ESYT2: variants seen among roughly 807,000 people sequenced by gnomAD.
ESYT2 encodes extended synaptotagmin 2.
A neutral mutation model predicts 107.2 loss-of-function variants in ESYT2; 54 were observed. The ratio of observed to expected loss-of-function variants is 0.50; its 90% CI spans 0.40 to 0.63. The LOEUF is 0.63. ESYT2 is among the 30% of genes least tolerant of loss of function. The pLI is 0.00. For missense variants in ESYT2, 1,020 were observed against 1,094.5 expected, an observed-to-expected ratio of 0.93 and a Z score of 0.96; for synonymous variants, 491 against 434.1, an observed-to-expected ratio of 1.13 and a Z score of -1.63.
chr7:158,782,238 CGAGT>C (rs10535321), intron 6 of ESYT2, among the ~76,000 whole-genome samples: 97,946 of 148,524 alleles, frequency 0.66, 34,316 homozygotes, highest in Non-Finnish European at 0.78. Flanking sequence ...AGTGTAACAA[CGAGT>C]GAGAATGAGT....
rs111775892 is a variant in ESYT2 at position 158,735,082 on chromosome 7, C to A, written c.2505+421G>T. Among the ~76,000 whole-genome samples, 1,398 of 152,330 alleles carry A rather than the reference C, an allele frequency of 9.2e-3. 29 individuals carry two copies. The highest frequency in any genetic ancestry group is 0.032 in the African/African-American group (1,327 of 41,584). ...GTGCCCTCCATGGCAGCACAGCTGA[C>A]GAAATGATGCCCGTGACTCAAATCT... On this transcript the variant is annotated intron_variant, in intron 21 of 22. Coordinates refer to ENST00000275418, the MANE Select transcript of ESYT2 (RefSeq NM_001367773.1).
intron 1 of ESYT2, among the ~76,000 whole-genome samples, chr7:158,817,222 T>G (rs1840170793): frequency 2.0e-5 from 3 of 152,152 alleles, no homozygotes; most frequent in African/African-American, 7.2e-5. Context: ...GACACAGACT[T>G]AAGACTGACA....
At chr7:158,828,598 G>A (rs1014371201) in intron 1 of ESYT2, among the ~76,000 whole-genome samples, 3 of 152,202 alleles carry the variant, frequency 2.0e-5, no homozygotes, top group Non-Finnish European at 4.4e-5. Context: ...GAGGGCAGAC[G>A]CGCCCCGGAC....
intron 1 of ESYT2, among the ~76,000 whole-genome samples, chr7:158,819,425 C>T (rs1840231668): frequency 6.6e-6 from 1 of 152,204 alleles, no homozygotes; most frequent in Non-Finnish European, 1.5e-5. Flanking sequence ...TCTAGTTTTT[C>T]AAATGTCTAT....
intron 7 of ESYT2, among the ~76,000 whole-genome samples, chr7:158,770,432 GT>G (rs1414321684): frequency 1.3e-5 from 2 of 151,044 alleles, no homozygotes; most frequent in African/African-American, 4.9e-5. Context: ...ACAACAGCCT[GT>G]TTTTTGAATG....
chr7:158,735,711 T>C, intron 20 of ESYT2, 103 bp from the exon 21 acceptor site: 2 of 996,784 alleles, frequency 2.0e-6, no homozygotes, highest in South Asian at 3.0e-5. Context: ...AATGTCATGT[T>C]TGTTTTTTAT....
chr7:158,799,163 C>T (rs1839560270), intron 1 of ESYT2, 91 bp from the exon 2 acceptor site: 1 of 1,072,554 alleles, frequency 9.3e-7, no homozygotes, highest in Admixed American at 1.9e-5. Flanking sequence ...CATCATACGT[C>T]CTATGTTTAC....
intron 18 of ESYT2, among the ~76,000 whole-genome samples, chr7:158,741,245 G>A (rs1587371767): frequency 6.6e-6 from 1 of 152,208 alleles, no homozygotes; most frequent in African/African-American, 2.4e-5. Flanking sequence ...GCGTCCCGGC[G>A]CTGCCTCCTG....
chr7:158,754,168 C>G (rs559145425), intron 13 of ESYT2, among the ~76,000 whole-genome samples: 1 of 152,040 alleles, frequency 6.6e-6, no homozygotes, highest in Non-Finnish European at 1.5e-5. Context: ...CATCAGGAAG[C>G]AGTGGGAGCC....
chr7:158,735,704 G>C, intron 20 of ESYT2, 96 bp from the exon 21 acceptor site: 1 of 1,012,794 alleles, frequency 9.9e-7, no homozygotes, highest in South Asian at 1.5e-5. Context: ...CATTCCAAAT[G>C]TCATGTTTGT....
At chr7:158,791,604 G>C (rs1446500300) in intron 4 of ESYT2, among the ~76,000 whole-genome samples, 1 of 152,208 alleles carries the variant, frequency 6.6e-6, no homozygotes, top group East Asian at 1.9e-4. Context: ...TCTTTTGACA[G>C]TAGCCTTTCT....
chr7:158,758,491 T>A (rs1263734822), intron 13 of ESYT2, among the ~76,000 whole-genome samples: 2 of 152,172 alleles, frequency 1.3e-5, no homozygotes, highest in Non-Finnish European at 2.9e-5. Flanking sequence ...CTTGTCTATC[T>A]CCCTGGTAAA....
chr7:158,785,424 T>A (rs1839074064), intron 6 of ESYT2, among the ~76,000 whole-genome samples: 1 of 119,368 alleles, frequency 8.4e-6, no homozygotes, highest in Admixed American at 1.0e-4. Context: ...AAACTCCGTC[T>A]CAAAATAAAT....
At chr7:158,796,051 T>C (rs1482531363) in intron 3 of ESYT2, among the ~76,000 whole-genome samples, 1 of 152,150 alleles carries the variant, frequency 6.6e-6, no homozygotes, top group Non-Finnish European at 1.5e-5. Context: ...CACTAACAGG[T>C]GGCAAATACA....
intron 12 of ESYT2, 146 bp downstream of exon 12, chr7:158,759,912 A>T (rs1425059789): frequency 1.5e-6 from 1 of 684,486 alleles, no homozygotes; most frequent in Admixed American, 3.0e-5. Flanking sequence ...TTTATCCCTG[A>T]TGCTACTGTA....
chr7:158,734,459 G>A lies in ESYT2; in HGVS notation c.2518C>T (p.Leu840=). The change falls in exon 22 of 23, where the codon CTG becomes TTG. Residue 840 remains leucine, a synonymous_variant. Transcript: ENST00000275418. ...CCTTTGGCAAGTTCTTCAGATGCCA[G>A]AGCAACCAATACCTGTGGGTTGTTA... The part of the protein sequence containing the change: ...KGLLGKVLVA[L]ASEELAKGWT... 6.2e-7 allele frequency: 1 copy of A among 1,613,894 alleles called. No individual in the cohort carries two copies. Among genetic ancestry groups the A allele is most frequent in the Non-Finnish European group, 8.5e-7 (1 of 1,179,882 alleles).
Position 158,733,909 on chromosome 7 carries a change from GCA to G in ESYT2, c.*296_*297del, listed in dbSNP as rs956103587. 2.6e-6 allele frequency: 1 copy of G among 388,444 alleles called. No homozygotes were observed. The highest frequency in any genetic ancestry group is 2.7e-5 in the South Asian group (1 of 36,684). 24.1% of individuals were successfully genotyped at this position (388,444 alleles called of 1,614,324 possible). ...GATATATAAACAAGGCCATAATAAA[GCA>G]CAGACACATCCGACTCCTACGGACA... On this transcript the variant is annotated 3_prime_UTR_variant, in exon 23 of 23. Transcript: ENST00000275418.
At chr7:158,829,060 G>A (rs970717927) in intron 1 of ESYT2, 29 bp downstream of exon 1, 18 of 1,570,868 alleles carry the variant, frequency 1.1e-5, no homozygotes, top group East Asian at 2.4e-5. Flanking sequence ...GGTGGTCAGG[G>A]GTCGGGACGG....
chr7:158,793,776 T>A (rs761004760), intron 3 of ESYT2, 50 bp from the exon 4 acceptor site: 6 of 1,336,156 alleles, frequency 4.5e-6, no homozygotes, highest in Non-Finnish European at 5.3e-6. Flanking sequence ...AAAAAAAAAA[T>A]CAAACCGTGT....
Sources: allele counts gnomAD v4.1 joint callset (sites outside exome capture counted in the v4.1 genomes callset), GRCh38; gene constraint gnomAD v4.1.1; transcripts MANE v1.5; gene names NCBI Gene and HGNC (gene_info 2026-07-23, HGNC 2026-07-21).